The following FGFR3 variants were observed in gnomAD, a reference collection of about 807,000 sequenced individuals.
The protein encoded by FGFR3 is FGFR-3.
A neutral mutation model predicts 82.9 loss-of-function variants in FGFR3; 25 were observed. That is an observed-to-expected ratio of 0.30 (90% confidence interval 0.22 to 0.42). The LOEUF is 0.42. Ranked by LOEUF, FGFR3 falls within the 10% of genes least tolerant of loss-of-function variation. The probability of loss-of-function intolerance (pLI) is 1.00; values close to 1 mark genes in which losing one functional copy is unlikely to be tolerated. For synonymous variants in FGFR3, 620 were observed against 516.0 expected (o/e 1.20, Z -2.73); for missense variants, 1,026 against 1,161.0 (o/e 0.88, Z 1.69).
At chr4:1,799,155 G>C (rs1720881522) in intron 2 of FGFR3, 99 bp from the exon 3 acceptor site, 1 of 1,550,314 alleles carries the variant, frequency 6.5e-7, no homozygotes, top group Admixed American at 1.7e-5. Flanking sequence ...CTGGGTCAGA[G>C]CCTTCCTCAC....
At position 1,801,630 on chromosome 4, in the gene FGFR3, A is replaced by G; in HGVS notation, c.626A>G (p.Gln209Arg). Reference protein sequence around the residue: ...HRIGGIKLRHQQWSLVMESVV... With the variant: ...HRIGGIKLRHRQWSLVMESVV... ...CGCGTCCCGGTGCAGCTGCGGCATC[A>G]GCAGTGGAGCCTGGTCATGGAAAGC... Residue 209 changes from glutamine (Q) to arginine (R), a missense_variant, in exon 6 of 18, where the codon CAG (glutamine) becomes CGG (arginine). By Grantham distance (43) the Gln-to-Arg change is conservative. This residue lies in a region of FGFR3 where 147 missense variants were observed against 228.1 expected (regional missense o/e 0.64). Coordinates refer to ENST00000440486, the MANE Select transcript of FGFR3 (RefSeq NM_000142.5). 6.2e-7 allele frequency: 1 copy of G among 1,610,288 alleles called. No homozygotes were observed. The highest frequency in any genetic ancestry group is 8.5e-7 in the Non-Finnish European group (1 of 1,178,974).
rs1297060362 is a variant in FGFR3 at position 1,793,915 on chromosome 4, C to T, written c.-20C>T. 5.1e-6 allele frequency: 6 copies of T among 1,184,340 alleles called. No individual in the cohort carries two copies. The highest frequency in any genetic ancestry group is 4.1e-5 in the Admixed American group (1 of 24,108). The allele number at this position is 1,184,340 out of a possible 1,614,324, so 73.4% of individuals were successfully genotyped here. On this transcript the variant is annotated 5_prime_UTR_variant, in exon 2 of 18. Transcript: ENST00000440486. Reference sequence around the variant, plus strand: ...TGCCCGCGCGCGCTGCCTGAGGACGCCGCGGCCCCCGCCCCCGCCATGGGC... The same window carrying T: ...TGCCCGCGCGCGCTGCCTGAGGACGTCGCGGCCCCCGCCCCCGCCATGGGC...
chr4:1,801,776 C>T (rs771101615), intron 6 of FGFR3, 33 bp downstream of exon 6: 19 of 1,580,540 alleles, frequency 1.2e-5, no homozygotes, highest in Admixed American at 3.5e-5. Flanking sequence ...GGGGTGGGGG[C>T]GGCAGTGGCG....
Position 1,797,554 on chromosome 4 carries a change from G to A in FGFR3, c.110-1700G>A, listed in dbSNP as rs543464488. 5.3e-5 allele frequency among the ~76,000 whole-genome samples: 8 copies of A among 152,348 alleles called. 1 individual carries two copies. In the South Asian group the frequency reaches 1.2e-3, roughly 24 times the overall value. ...CTGTTGTCGCCACTCAGACCAAACC[G>A]GAACCAACCGGCTGTTGCCCTTGGG... On this transcript the variant is annotated intron_variant, in intron 2 of 17. Transcript: ENST00000440486.
chr4:1,795,277 C>T (rs368540872), intron 2 of FGFR3, among the ~76,000 whole-genome samples: 1 of 152,090 alleles, frequency 6.6e-6, no homozygotes. Context: ...TTGGCTTTCG[C>T]ATTCTCATTC....
In FGFR3 at chr4:1,804,840, A is replaced by G. The variant is rs138986264; in HGVS notation, c.1283A>G (p.Asn428Ser). 25 of 1,549,720 alleles carry G rather than the reference A, an allele frequency of 1.6e-5. No homozygotes were observed. The highest frequency in any genetic ancestry group is 1.9e-4 in the Middle Eastern group (1 of 5,388). The change falls in exon 10 of 18, where the codon AAC (asparagine) becomes AGC (serine). Residue 428 changes from asparagine (N) to serine (S), a missense_variant. Physicochemically the swap from Asn to Ser is conservative, Grantham distance 46. Coordinates refer to ENST00000440486, the MANE Select transcript of FGFR3 (RefSeq NM_000142.5). Reference protein sequence around the residue: ...PLKRQVSLESNASMSSNTPLV... With the variant: ...PLKRQVSLESSASMSSNTPLV... ...CCCAAGCAGGTGTCCCTGGAGTCCA[A>G]CGCGTCCATGAGCTCCAACACACCA... is the stretch of plus-strand genomic sequence containing the variant.
rs1334420371 is a variant in FGFR3, at chr4:1,804,884, C to T, written c.1327C>T (p.Leu443=). The stretch of plus-strand genomic sequence containing the variant: ...CACACCACTGGTGCGCATCGCAAGG[C>T]TGTCCTCAGGGGAGGGCCCCACGCT... ...SNTPLVRIAR[L]SSGEGPTLAN... Residue 443 remains leucine, a synonymous_variant, in exon 10 of 18, where the codon CTG becomes TTG. Transcript: ENST00000440486. 1.9e-6 allele frequency: 3 copies of T among 1,550,104 alleles called. No homozygotes were observed. The highest frequency in any genetic ancestry group is 2.6e-6 in the Non-Finnish European group (3 of 1,146,958).
intron 2 of FGFR3, 24 bp downstream of exon 2, chr4:1,794,067 G>A: frequency 1.5e-6 from 2 of 1,305,824 alleles, no homozygotes; most frequent in South Asian, 1.9e-5. Flanking sequence ...CACTAGGCAC[G>A]GGAGAGGCCG....
Position 1,808,430 on chromosome 4 carries a change from T to C in FGFR3, c.*1168T>C, listed in dbSNP as rs1722236919. On this transcript the variant is annotated 3_prime_UTR_variant, in exon 18 of 18. Transcript: ENST00000440486. ...TTGGACTTCAAAGCAAGCTGGTATT[T>C]TCATACAAATTCTTCTAATTGCTGT... The C allele has an allele frequency of 4.3e-6, 1 of 232,402 alleles. No homozygotes were observed. The highest frequency in any genetic ancestry group is 1.8e-4 in the South Asian group (1 of 5,508). 14.4% of individuals were successfully genotyped at this position (232,402 alleles called of 1,614,324 possible).
rs1254373732 is a variant in FGFR3, at chr4:1,804,386, A to G, written c.1132A>G (p.Ser378Gly). 2 of 1,612,972 alleles carry G rather than the reference A, an allele frequency of 1.2e-6. No individual in the cohort carries two copies. The highest frequency in any genetic ancestry group is 1.7e-6 in the Non-Finnish European group (2 of 1,179,658). ...EAGSVYAGILSYGVGFFLFIL... is the reference protein window; with the variant it reads ...EAGSVYAGILGYGVGFFLFIL... ...GGGCAGTGTGTATGCAGGCATCCTC[A>G]GCTACGGGGTGGGCTTCTTCCTGTT... The change falls in exon 9 of 18, where the codon AGC (serine) becomes GGC (glycine). Residue 378 changes from serine to glycine, a missense_variant. This residue lies in a region of FGFR3 where 256 missense variants were observed against 217.6 expected (regional missense o/e 1.18). Transcript: ENST00000440486.
At chr4:1,799,970 T>A (rs3135869) in intron 4 of FGFR3, among the ~76,000 whole-genome samples, 158 bp downstream of exon 4, 1 of 151,994 alleles carries the variant, frequency 6.6e-6, no homozygotes, top group Admixed American at 6.5e-5. Flanking sequence ...AGGGGCTGGG[T>A]CACTGACATG....
chr4:1,802,489 C>T (rs1432847514), intron 7 of FGFR3, among the ~76,000 whole-genome samples: 1 of 152,190 alleles, frequency 6.6e-6, no homozygotes, highest in Non-Finnish European at 1.5e-5. Context: ...CCCATGGCTG[C>T]CGGGTGGGGG....
Position 1,805,497 on chromosome 4 carries a change from G to T in FGFR3, c.1534+21G>T, listed in dbSNP as rs537058860. ...GAAAGGTGAGGAGGGGGCGGCCAGG[G>T]GTGCAGAGCAGGGCTGGGGGCGCCG... On this transcript the variant is annotated intron_variant, in intron 11 of 17. Coordinates refer to ENST00000440486, the MANE Select transcript of FGFR3 (RefSeq NM_000142.5). The T allele has an allele frequency of 8.2e-5, 132 of 1,612,242 alleles. No individual in the cohort carries two copies. The East Asian group carries it at 2.7e-3, about 33-fold the overall frequency.
chr4:1,808,759 C>T lies in FGFR3; in HGVS notation c.*1497C>T, dbSNP rs999501969. 3 of 231,976 alleles carry T rather than the reference C, an allele frequency of 1.3e-5. No individual in the cohort carries two copies. Among genetic ancestry groups the T allele is most frequent in the East Asian group, 1.2e-4 (2 of 16,448 alleles). The allele number at this position is 231,976 out of a possible 1,614,324, so 14.4% of individuals were successfully genotyped here. A position where few individuals can be genotyped will look rare whatever the true frequency, so the allele number is the denominator to read the frequency against. On this transcript the variant is annotated 3_prime_UTR_variant, in exon 18 of 18. Coordinates refer to ENST00000440486, the MANE Select transcript of FGFR3 (RefSeq NM_000142.5). ...GCAGGGCCATGGCTCAGGGTGGTCT[C>T]TTCTTGGGGCCCAGTGCATGGTGGC...
In FGFR3 at chr4:1,807,417, GT is replaced by G; in HGVS notation, c.*156del. 8.8e-7 allele frequency: 1 copy of G among 1,130,346 alleles called. No homozygotes were observed. Among genetic ancestry groups the G allele is most frequent in the Non-Finnish European group, 1.3e-6 (1 of 777,718 alleles). The allele number at this position is 1,130,346 out of a possible 1,614,324, so 70.0% of individuals were successfully genotyped here. A position where few individuals can be genotyped will look rare whatever the true frequency, so the allele number is the denominator to read the frequency against. ...TGTGTGTGCGTGTGTGTGTGTGTGTGTGCACATCCGCGTGTGCCTGTGTGCG... is the reference window on the plus strand; with the variant it reads ...TGTGTGTGCGTGTGTGTGTGTGTGTGGCACATCCGCGTGTGCCTGTGTGCG... On this transcript the variant is annotated 3_prime_UTR_variant, in exon 18 of 18. Coordinates refer to ENST00000440486, the MANE Select transcript of FGFR3 (RefSeq NM_000142.5).
intron 9 of FGFR3, 149 bp downstream of exon 9, chr4:1,804,669 C>T (rs1368685393): frequency 7.7e-6 from 11 of 1,419,694 alleles, no homozygotes; most frequent in African/African-American, 2.8e-5. Context: ...CATGTAGAGC[C>T]TAGGGTACTT....
chr4:1,807,068 C>T lies in FGFR3; in HGVS notation c.2275-48C>T, dbSNP rs755575435. ...CAGCCTGGGCACAGAGGTGGCTGTG[C>T]GAAGAGGGGCTCGGTGGCACAGCGC... On this transcript the variant is annotated intron_variant, in intron 17 of 17. Transcript: ENST00000440486. The T allele has an allele frequency of 1.3e-5, 20 of 1,554,012 alleles. No homozygotes were observed. In the Admixed American group the frequency reaches 1.4e-4, roughly 10 times the overall value.
At chr4:1,799,679 C>T in intron 3 of FGFR3, 68 bp from the exon 4 acceptor site, 2 of 1,594,486 alleles carry the variant, frequency 1.3e-6, no homozygotes, top group Non-Finnish European at 1.7e-6. Context: ...CCTGCCCCAT[C>T]TGGGAGGGGC....
At chr4:1,806,415 C>T (rs1721925711) in intron 15 of FGFR3, 88 bp downstream of exon 15, 1 of 1,601,728 alleles carries the variant, frequency 6.2e-7, no homozygotes, top group African/African-American at 1.3e-5. Context: ...AGGCCTGTGC[C>T]CTGGAGCTCC....
Sources: gnomAD v4.1 joint callset for allele counts (sites outside exome capture counted in the v4.1 genomes callset) on GRCh38, gnomAD v4.1.1 for gene constraint, gnomAD v4.1.1 regional missense constraint, MANE v1.5 for transcripts, NCBI Gene and HGNC (gene_info 2026-07-23, HGNC 2026-07-21) for gene names.